ZNF362: variants seen among roughly 807,000 people sequenced by gnomAD.
The protein encoded by ZNF362 is rotund homolog.
ZNF362 carries 11 observed loss-of-function variants against 42.9 expected under a neutral mutation model. The observed-to-expected ratio is 0.26, with a 90% confidence interval of 0.16 to 0.42. The LOEUF is 0.42. ZNF362 is among the 20% of genes least tolerant of loss of function. ZNF362 has a pLI of 1.00. For synonymous variants in ZNF362, 255 were observed against 257.3 expected (o/e 0.99, Z 0.09); for missense variants, 362 against 576.2 (o/e 0.63, Z 3.81).
intron 1 of ZNF362, among the ~76,000 whole-genome samples, chr1:33,264,874 C>G (rs930081734): frequency 6.6e-5 from 10 of 151,998 alleles, no homozygotes; most frequent in African/African-American, 2.4e-4. Context: ...AGAAAGGACC[C>G]AGGGTGAGGG....
the ZNF362 span, among the ~76,000 whole-genome samples, chr1:33,160,647 T>C: frequency 6.6e-6 from 1 of 152,092 alleles, no homozygotes; most frequent in Non-Finnish European, 1.5e-5. Flanking sequence ...TTAGGTGATC[T>C]GCCCACCTTG....
the ZNF362 span, among the ~76,000 whole-genome samples, chr1:33,138,640 A>AG: frequency 6.7e-3 from 996 of 149,494 alleles, 10 homozygotes; most frequent in African/African-American, 0.02. Context: ...AAAAAAAAAA[A>AG]AAAAAGAAAA....
the ZNF362 span, chr1:33,164,067 T>C: frequency 0.19 from 28,295 of 152,160 alleles, 3,088 homozygotes; most frequent in South Asian, 0.3. Context: ...TTGCTTCTCA[T>C]CATCCAAGAG....
the ZNF362 span, chr1:33,162,740 A>G: frequency 0.71 from 108,174 of 152,654 alleles, 38,600 homozygotes; most frequent in Admixed American, 0.75. Context: ...CATCAGAGTG[A>G]CAGCCACCCC....
chr1:33,247,654 T>G, the ZNF362 span, among the ~76,000 whole-genome samples: 1 of 152,228 alleles, frequency 6.6e-6, no homozygotes, highest in Non-Finnish European at 1.5e-5. Flanking sequence ...TTGTCAGCCC[T>G]TTCATTATGG....
chr1:33,281,572 T>C lies in ZNF362; in HGVS notation c.684-15T>C. ...TGGGGGATCTTCCCACGTGAACCTG[T>C]CTCTTGCTCCGCAGGTGTAAGGTAT... On this transcript the variant is annotated splice_polypyrimidine_tract_variant and intron_variant, in intron 5 of 8. Coordinates refer to ENST00000539719, the MANE Select transcript of ZNF362 (RefSeq NM_152493.3). The surrounding 1 kb of genome is among the most constrained non-coding windows in gnomAD (Gnocchi z 4.8). 6.2e-7 allele frequency: 1 copy of C among 1,613,638 alleles called. No individual in the cohort carries two copies. Among genetic ancestry groups the C allele is most frequent in the Non-Finnish European group, 8.5e-7 (1 of 1,179,578 alleles).
In ZNF362 at chr1:33,281,743, C is replaced by G; in HGVS notation, c.840C>G (p.Val280=). Residue 280 remains valine, a synonymous_variant, in exon 6 of 9, where the codon GTC becomes GTG. Transcript: ENST00000539719. This position sits in a 1 kb window ranked among gnomAD's most constrained non-coding sequence, Gnocchi z 4.8. ...AGCACCTGCGCATCCACCTGGGCGT[C>G]AAGCCCTACCACTGCTCCTACTGTG... The part of the protein sequence containing the change: ...LAQHLRIHLG[V]KPYHCSYCDK... The G allele has an allele frequency of 1.2e-6, 2 of 1,614,280 alleles. No homozygotes were observed. Among genetic ancestry groups the G allele is most frequent in the Non-Finnish European group, 1.7e-6 (2 of 1,180,048 alleles).
the ZNF362 span, among the ~76,000 whole-genome samples, chr1:33,153,094 G>A: frequency 1.3e-5 from 2 of 152,210 alleles, no homozygotes; most frequent in African/African-American, 2.4e-5. Flanking sequence ...GACAGGTGCT[G>A]GATGGGGTTC....
rs1383196057 is a variant in ZNF362, at chr1:33,265,445, C to T, written c.-88-5042C>T. On this transcript the variant is annotated intron_variant, in intron 1 of 8. Coordinates refer to ENST00000539719, the MANE Select transcript of ZNF362 (RefSeq NM_152493.3). Reference sequence around the variant, plus strand: ...TCACAATGAAAACAGCCCTTCCCAGCCCCGTGGGGCTGCGGAAACCCGGTC... The same window carrying T: ...TCACAATGAAAACAGCCCTTCCCAGTCCCGTGGGGCTGCGGAAACCCGGTC... 4.6e-5 allele frequency among the ~76,000 whole-genome samples: 7 copies of T among 152,054 alleles called. No individual in the cohort carries two copies. The East Asian group carries it at 5.8e-4, about 13-fold the overall frequency.
At chr1:33,133,351 T>C in the ZNF362 span, among the ~76,000 whole-genome samples, 3 of 152,356 alleles carry the variant, frequency 2.0e-5, no homozygotes, top group South Asian at 6.2e-4. Context: ...GTCACACCTT[T>C]GGGCAATACA....
At chr1:33,234,227 C>G in the ZNF362 span, among the ~76,000 whole-genome samples, 4 of 152,176 alleles carry the variant, frequency 2.6e-5, no homozygotes, top group African/African-American at 7.2e-5. Context: ...TGTGACCCTA[C>G]ACAAGTTACT....
chr1:33,161,656 C>A, the ZNF362 span, among the ~76,000 whole-genome samples: 1 of 152,112 alleles, frequency 6.6e-6, no homozygotes, highest in East Asian at 1.9e-4. This position sits in a 1 kb window ranked among gnomAD's most constrained non-coding sequence, Gnocchi z 4.3. Context: ...CCCCCTCACC[C>A]GGGGAGGGTG....
intron 4 of ZNF362, among the ~76,000 whole-genome samples, chr1:33,279,217 G>T (rs1303360743): frequency 6.6e-6 from 1 of 152,018 alleles, no homozygotes; most frequent in Non-Finnish European, 1.5e-5. Flanking sequence ...TAGAGACAGG[G>T]TTTTGCCACG....
intron 6 of ZNF362, among the ~76,000 whole-genome samples, chr1:33,292,643 G>A (rs1570410198): frequency 6.6e-6 from 1 of 152,312 alleles, no homozygotes; most frequent in East Asian, 1.9e-4. Flanking sequence ...CAGAAGGAAT[G>A]GTACCAGCTC....
At chr1:33,132,913 T>C in the ZNF362 span, among the ~76,000 whole-genome samples, 1 of 152,144 alleles carries the variant, frequency 6.6e-6, no homozygotes, top group South Asian at 2.1e-4. Flanking sequence ...CAGAAAAGCA[T>C]GGGGGAATGT....
In ZNF362 at chr1:33,280,365, C is replaced by A; in HGVS notation, c.591C>A (p.Ile197=). Residue 197 remains isoleucine, a synonymous_variant, in exon 5 of 9, where the codon ATC becomes ATA. Coordinates refer to ENST00000539719, the MANE Select transcript of ZNF362 (RefSeq NM_152493.3). The surrounding 1 kb of genome is among the most constrained non-coding windows in gnomAD (Gnocchi z 5.6). ...AGTCCGAACGCGGCCGCAAAAAGAT[C>A]AAGGCGGAGAACCCGGGGGGTCCGC... ...PPKSERGRKK[I]KAENPGGPPV... 6.2e-7 allele frequency: 1 copy of A among 1,614,002 alleles called. No homozygotes were observed. Among genetic ancestry groups the A allele is most frequent in the Non-Finnish European group, 8.5e-7 (1 of 1,179,938 alleles).
At chr1:33,134,017 G>A in the ZNF362 span, among the ~76,000 whole-genome samples, 1 of 152,188 alleles carries the variant, frequency 6.6e-6, no homozygotes. Flanking sequence ...GCCAAGGCTG[G>A]CTTCTCTGAG....
At chr1:33,231,636 G>C in the ZNF362 span, among the ~76,000 whole-genome samples, 5 of 152,138 alleles carry the variant, frequency 3.3e-5, no homozygotes, top group African/African-American at 1.2e-4. Context: ...TAGTTATTTT[G>C]TTGTCTCCCC....
At chr1:33,267,831 T>C (rs1009884045) in intron 1 of ZNF362, among the ~76,000 whole-genome samples, 12 of 152,322 alleles carry the variant, frequency 7.9e-5, no homozygotes, top group East Asian at 3.9e-4. Flanking sequence ...TTTGTACATA[T>C]AACTTTTTCT....
Sources: gnomAD v4.1 joint callset for allele counts (sites outside exome capture counted in the v4.1 genomes callset) on GRCh38, gnomAD v4.1.1 for gene constraint, Gnocchi (gnomAD v3.1) non-coding constraint, MANE v1.5 for transcripts, NCBI Gene and HGNC (gene_info 2026-07-23, HGNC 2026-07-21) for gene names.